CIMIP2C: variants seen among roughly 807,000 people sequenced by gnomAD.
The protein encoded by CIMIP2C is ciliary microtubule inner protein 2C.
At chr2:26,578,971 A>G in the CIMIP2C span, 1 of 491,392 alleles carries the variant, frequency 2.0e-6, no homozygotes. Flanking sequence ...CACATGCATT[A>G]CTGCATTTAT....
chr2:26,569,751 G>T, the CIMIP2C span, among the ~76,000 whole-genome samples: 1 of 152,148 alleles, frequency 6.6e-6, no homozygotes, highest in Non-Finnish European at 1.5e-5. Flanking sequence ...GTGTACAGAT[G>T]GATGGAGGGA....
chr2:26,563,766 C>T, the CIMIP2C span, among the ~76,000 whole-genome samples: 3 of 152,188 alleles, frequency 2.0e-5, no homozygotes, highest in African/African-American at 7.2e-5. Flanking sequence ...TGTTTTGAAG[C>T]AGAATAAGCT....
chr2:26,574,961 C>T, the CIMIP2C span, among the ~76,000 whole-genome samples: 1 of 152,266 alleles, frequency 6.6e-6, no homozygotes, highest in Non-Finnish European at 1.5e-5. Context: ...CCGTGCTGCT[C>T]GGCAAGCTTC....
the CIMIP2C span, chr2:26,562,634 AC>A: frequency 1.9e-6 from 3 of 1,585,886 alleles, no homozygotes; most frequent in Non-Finnish European, 2.6e-6. Flanking sequence ...CAGCGCGGGC[AC>A]CCTACTGACC....
chr2:26,577,573 C>T, the CIMIP2C span: 223 of 1,614,028 alleles, frequency 1.4e-4, no homozygotes, highest in Admixed American at 2.2e-4. Flanking sequence ...GCCTCGAGTC[C>T]CCTACTTTGC....
the CIMIP2C span, among the ~76,000 whole-genome samples, chr2:26,565,199 C>T: frequency 2.6e-5 from 4 of 151,952 alleles, no homozygotes; most frequent in African/African-American, 9.7e-5. Flanking sequence ...AAGCAATTCT[C>T]CCTACCTCAG....
chr2:26,563,888 C>T, the CIMIP2C span, among the ~76,000 whole-genome samples: 3 of 152,182 alleles, frequency 2.0e-5, no homozygotes, highest in Admixed American at 6.6e-5. Flanking sequence ...TGCGACCTCT[C>T]TCTGGGCCTT....
chr2:26,576,046 C>A, the CIMIP2C span: 1 of 1,614,236 alleles, frequency 6.2e-7, no homozygotes, highest in Non-Finnish European at 8.5e-7. Context: ...TCCCCACCAT[C>A]TTCTCCACCA....
the CIMIP2C span, chr2:26,563,068 T>G: frequency 1.7e-5 from 4 of 235,602 alleles, no homozygotes; most frequent in East Asian, 1.2e-4. Context: ...AATCAGGCCC[T>G]TCCGTCCGGC....
chr2:26,570,429 T>C, the CIMIP2C span, among the ~76,000 whole-genome samples: 3 of 152,340 alleles, frequency 2.0e-5, no homozygotes, highest in South Asian at 6.2e-4. Flanking sequence ...TGTTGAGCAC[T>C]TGTCATGTGC....
chr2:26,578,970 T>C, the CIMIP2C span: 7 of 490,388 alleles, frequency 1.4e-5, no homozygotes, highest in African/African-American at 1.4e-4. Context: ...TCACATGCAT[T>C]ACTGCATTTA....
the CIMIP2C span, among the ~76,000 whole-genome samples, chr2:26,574,977 T>G: frequency 6.6e-6 from 1 of 152,252 alleles, no homozygotes; most frequent in African/African-American, 2.4e-5. Flanking sequence ...GCTTCCGCAT[T>G]GGCCGCGAGT....
chr2:26,564,555 G>T, the CIMIP2C span, among the ~76,000 whole-genome samples: 1 of 152,294 alleles, frequency 6.6e-6, no homozygotes, highest in East Asian at 1.9e-4. Context: ...TTTCTGGAAG[G>T]GTTGTGTTCC....
At chr2:26,575,805 T>A in the CIMIP2C span, 7 of 1,439,746 alleles carry the variant, frequency 4.9e-6, no homozygotes, top group Non-Finnish European at 6.6e-6. Flanking sequence ...ATTACAGGCA[T>A]GAGCCACAGC....
chr2:26,569,016 CAAA>C, the CIMIP2C span, among the ~76,000 whole-genome samples: 346 of 132,050 alleles, frequency 2.6e-3, no homozygotes, highest in East Asian at 3.7e-3. Context: ...GACTCAGTCT[CAAA>C]AAAAAAAAAA....
At chr2:26,574,545 C>G in the CIMIP2C span, among the ~76,000 whole-genome samples, 1 of 152,178 alleles carries the variant, frequency 6.6e-6, no homozygotes, top group Non-Finnish European at 1.5e-5. Flanking sequence ...TGCAATTGTA[C>G]ATAGCAGCCT....
At chr2:26,576,325 C>T in the CIMIP2C span, 3 of 1,024,792 alleles carry the variant, frequency 2.9e-6, no homozygotes, top group Non-Finnish European at 4.2e-6. Context: ...CAGCAGAGAG[C>T]ATGGTGGGCT....
chr2:26,564,272 T>C, the CIMIP2C span, among the ~76,000 whole-genome samples: 1 of 152,214 alleles, frequency 6.6e-6, no homozygotes, highest in Non-Finnish European at 1.5e-5. Flanking sequence ...GTCTGACTCC[T>C]GGACATTTCC....
the CIMIP2C span, among the ~76,000 whole-genome samples, chr2:26,573,640 C>T: frequency 6.6e-6 from 1 of 152,246 alleles, no homozygotes; most frequent in African/African-American, 2.4e-5. Context: ...TTCCCAGTTC[C>T]AGAGGAGACC....
Sources: gnomAD v4.1 joint callset for allele counts (sites outside exome capture counted in the v4.1 genomes callset) on GRCh38, gnomAD v4.1.1 for gene constraint, MANE v1.5 for transcripts, NCBI Gene and HGNC (gene_info 2026-07-23, HGNC 2026-07-21) for gene names.